Variants in SLC12A1 observed in about 807,000 individuals in gnomAD.
The protein encoded by SLC12A1 is solute carrier family 12 member 1.
SLC12A1 carries 89 observed loss-of-function variants against 130.4 expected under a neutral mutation model. The ratio of observed to expected loss-of-function variants is 0.68; its 90% confidence interval spans 0.58 to 0.81. SLC12A1 has a LOEUF of 0.81. SLC12A1 is among the 40% of genes least tolerant of loss of function. The pLI, the probability that SLC12A1 is intolerant of heterozygous loss-of-function variation, is 0.00. For synonymous variants in SLC12A1, 499 were observed against 460.0 expected (o/e 1.08, Z -1.09); for missense variants, 1,310 against 1,336.4 (o/e 0.98, Z 0.31).
chr15:48,249,954 G>C (rs1471706719), intron 14 of SLC12A1, among the ~76,000 whole-genome samples: 1 of 152,184 alleles, frequency 6.6e-6, no homozygotes, highest in Non-Finnish European at 1.5e-5. Flanking sequence ...TTCAGCAGTA[G>C]AAAAACACCA....
chr15:48,240,062 TATATATATCC>T (rs1481680646), intron 9 of SLC12A1, among the ~76,000 whole-genome samples: 6 of 104,998 alleles, frequency 5.7e-5, no homozygotes, highest in African/African-American at 2.6e-4. Context: ...TATATATATA[TATATATATCC>T]ATATATATAT....
intron 7 of SLC12A1, 125 bp from the exon 8 acceptor site, chr15:48,232,602 G>A: frequency 1.4e-6 from 1 of 712,838 alleles, no homozygotes; most frequent in South Asian, 1.5e-5. Context: ...ACCTACTCTG[G>A]GTAGCAGAGA....
At chr15:48,216,502 C>T (rs989118929) in intron 2 of SLC12A1, among the ~76,000 whole-genome samples, 1 of 152,120 alleles carries the variant, frequency 6.6e-6, no homozygotes, top group African/African-American at 2.4e-5. Context: ...AATCAGAAAA[C>T]ATAGGTTTTA....
intron 17 of SLC12A1, among the ~76,000 whole-genome samples, chr15:48,264,608 T>C (rs2041811643): frequency 6.6e-6 from 1 of 152,134 alleles, no homozygotes; most frequent in Non-Finnish European, 1.5e-5. Flanking sequence ...AAATGACCTA[T>C]GAATGGGCAC....
intron 5 of SLC12A1, chr15:48,226,772 T>G (rs1220009811): frequency 1.6e-6 from 1 of 617,660 alleles, no homozygotes; most frequent in African/African-American, 1.9e-5. Flanking sequence ...AATGGATCTC[T>G]CTGGCACATT....
At chr15:48,227,400 T>A (rs2041304240) in intron 5 of SLC12A1, 1 of 564,442 alleles carries the variant, frequency 1.8e-6, no homozygotes, top group South Asian at 2.1e-5. Context: ...AAGTGGAGAG[T>A]GACTATGTGT....
chr15:48,283,343 C>A (rs2042026875), intron 20 of SLC12A1, among the ~76,000 whole-genome samples: 1 of 152,194 alleles, frequency 6.6e-6, no homozygotes, highest in South Asian at 2.1e-4. Context: ...CACATAAAGC[C>A]AGCAGCAGAG....
intron 23 of SLC12A1, among the ~76,000 whole-genome samples, chr15:48,289,286 C>T (rs1410892095): frequency 1.3e-5 from 2 of 150,648 alleles, no homozygotes; most frequent in East Asian, 2.0e-4. Context: ...AGCTCTGAGC[C>T]CTTCCTGGAA....
intron 4 of SLC12A1, chr15:48,224,189 G>A (rs1426913592): frequency 6.6e-6 from 1 of 152,198 alleles, no homozygotes; most frequent in African/African-American, 2.4e-5. Flanking sequence ...GAGCATTCTG[G>A]ATGGAGCCAG....
Position 48,291,836 on chromosome 15 carries a change from G to T in SLC12A1, c.2932G>T (p.Asp978Tyr). Residue 978 changes from aspartate (D) to tyrosine (Y), a missense_variant, in exon 24 of 27, where the codon GAC (aspartate) becomes TAC (tyrosine). Coordinates refer to ENST00000380993, the MANE Select transcript of SLC12A1 (RefSeq NM_000338.3). ...ATTTGCAGACATCCATATCATCGGT[G>T]ACATCAACATTAGGCCAAACAAAGA... ...IKFADIHIIGDINIRPNKESW... is the reference protein window; with the variant it reads ...IKFADIHIIGYINIRPNKESW... 6.4e-7 allele frequency: 1 copy of T among 1,571,422 alleles called. No individual in the cohort carries two copies. Among genetic ancestry groups the T allele is most frequent in the Admixed American group, 1.9e-5 (1 of 54,030 alleles).
intron 9 of SLC12A1, 137 bp from the exon 10 acceptor site, chr15:48,241,378 G>T: frequency 1.4e-6 from 1 of 705,396 alleles, no homozygotes; most frequent in Non-Finnish European, 2.6e-6. Flanking sequence ...TCATCAACTT[G>T]CTGTTTGCTT....
At chr15:48,238,786 T>A (rs1254380326) in intron 9 of SLC12A1, among the ~76,000 whole-genome samples, 1 of 152,138 alleles carries the variant, frequency 6.6e-6, no homozygotes, top group Non-Finnish European at 1.5e-5. Flanking sequence ...AATCCTCCTC[T>A]GGAAGGAAGC....
At chr15:48,221,324 T>C (rs938340596) in intron 4 of SLC12A1, 14 of 701,740 alleles carry the variant, frequency 2.0e-5, no homozygotes, top group Non-Finnish European at 3.4e-5. Flanking sequence ...GACATTTGCC[T>C]CTCATTTGTT....
chr15:48,278,112 A>G (rs530767305), intron 20 of SLC12A1, among the ~76,000 whole-genome samples: 5 of 152,338 alleles, frequency 3.3e-5, no homozygotes, highest in South Asian at 4.1e-4. Context: ...CCCTCCTAGT[A>G]GAACTTAATA....
rs754895044 is a variant in SLC12A1 at position 48,295,616 on chromosome 15, AT to A, written c.2961-3517del. Among the ~76,000 whole-genome samples the A allele has an allele frequency of 8.5e-5, 13 of 152,288 alleles. No individual in the cohort carries two copies. The East Asian group carries it at 2.5e-3, about 29-fold the overall frequency. ...CATTATCCTGGAATAAAGAGAATTAATTTTTTTGTCAGGAAATAAATTAGTT... is the reference window on the plus strand; with the variant it reads ...CATTATCCTGGAATAAAGAGAATTAATTTTTTGTCAGGAAATAAATTAGTT... On this transcript the variant is annotated intron_variant, in intron 24 of 26. Coordinates refer to ENST00000380993, the MANE Select transcript of SLC12A1 (RefSeq NM_000338.3).
intron 2 of SLC12A1, among the ~76,000 whole-genome samples, chr15:48,218,988 G>A (rs2041163468): frequency 6.6e-6 from 1 of 152,150 alleles, no homozygotes; most frequent in African/African-American, 2.4e-5. Context: ...AATGAGAATG[G>A]AAGTCTTTTT....
chr15:48,255,848 C>G lies in SLC12A1; in HGVS notation c.1980C>G (p.Tyr660Ter). The G allele has an allele frequency of 6.2e-7, 1 of 1,608,378 alleles. No homozygotes were observed. Residue 660 changes from tyrosine (Y) to a stop codon, truncating the protein, a stop_gained, in exon 16 of 27, where the codon TAC becomes TAG. Coordinates refer to ENST00000380993, the MANE Select transcript of SLC12A1 (RefSeq NM_000338.3). LOFTEE classifies it high-confidence loss of function. Reference sequence around the variant, plus strand: ...GCTCCTCCACACAGGCTCTTTCCTACGTGAGTGCTTTAGACAATGCTCTGG... The same window carrying G: ...GCTCCTCCACACAGGCTCTTTCCTAGGTGAGTGCTTTAGACAATGCTCTGG... ...NWGSSTQALS[Y>*]VSALDNALEL...
chr15:48,235,919 C>T (rs2041434371), intron 9 of SLC12A1, among the ~76,000 whole-genome samples: 2 of 152,128 alleles, frequency 1.3e-5, no homozygotes, highest in African/African-American at 4.8e-5. Context: ...ATGTATCGCT[C>T]CTGCTGACAT....
chr15:48,298,543 C>A (rs1450135630), intron 24 of SLC12A1, among the ~76,000 whole-genome samples: 1 of 152,188 alleles, frequency 6.6e-6, no homozygotes, highest in East Asian at 1.9e-4. Context: ...CATCAAACAA[C>A]AAAAGGACAA....
Sources: allele counts gnomAD v4.1 joint callset (sites outside exome capture counted in the v4.1 genomes callset), GRCh38; gene constraint gnomAD v4.1.1; transcripts MANE v1.5; gene names NCBI Gene and HGNC (gene_info 2026-07-23, HGNC 2026-07-21).